Variants in PRRT4 observed in about 807,000 individuals in gnomAD.
The protein encoded by PRRT4 is proline rich transmembrane protein 4.
Under a neutral mutation model 55.6 loss-of-function variants are expected in PRRT4, and 59 were observed. The ratio of observed to expected loss-of-function variants is 1.06; its 90% CI spans 0.86 to 1.32. The LOEUF is 1.32. Ranked by LOEUF, PRRT4 falls within the 40% of genes most tolerant of loss-of-function variation. The probability of loss-of-function intolerance (pLI) is 0.00; values close to 1 mark genes in which losing one functional copy is unlikely to be tolerated. For synonymous variants in PRRT4, 606 were observed against 601.8 expected (o/e 1.01, Z -0.10); for missense variants, 1,217 against 1,222.0 (o/e 1.00, Z 0.06).
chr7:128,353,022 C>T (rs1029862589), intron 4 of PRRT4, among the ~76,000 whole-genome samples: 3 of 151,964 alleles, frequency 2.0e-5, no homozygotes, highest in Non-Finnish European at 4.4e-5. Flanking sequence ...CTTAGACACC[C>T]CCTCCAGTTC....
rs1333716121 is a variant in PRRT4, at chr7:128,361,099, TCTCTCACACACA to T, written c.-73+450_-73+461del. On this transcript the variant is annotated intron_variant, in intron 1 of 4. Coordinates refer to ENST00000535159, the Ensembl canonical transcript of PRRT4. ...CTGTCTCTCTCTCTCTCTCTCTCTCTCTCTCACACACACACACACACACACACACACACACAC... is the reference window on the plus strand; with the variant it reads ...CTGTCTCTCTCTCTCTCTCTCTCTCTCACACACACACACACACACACACAC... 2.4e-3 allele frequency among the ~76,000 whole-genome samples: 310 copies of T among 127,500 alleles called. 1 individual carries two copies. The highest frequency in any genetic ancestry group is 9.7e-3 in the African/African-American group (286 of 29,516). 83.6% of individuals were successfully genotyped at this position (127,500 alleles called of 152,430 possible). A position where few individuals can be genotyped will look rare whatever the true frequency, so the allele number is the denominator to read the frequency against.
chr7:128,352,234 A>T lies in PRRT4; in HGVS notation c.1322T>A (p.Leu441Gln), dbSNP rs756871380. The change falls in exon 5 of 5, where the codon CTG becomes CAG. Residue 441 changes from leucine to glutamine, a missense_variant. By Grantham distance (113) the Leu-to-Gln change is moderately radical. Coordinates refer to ENST00000535159, the Ensembl canonical transcript of PRRT4. ...CCCCAGGCCGGCAGCCAAGCAGGGC[A>T]GCGGAAGGTCCTGCAGCAGCAGCCA... 59 of 1,538,526 alleles carry T rather than the reference A, an allele frequency of 3.8e-5. No individual in the cohort carries two copies. In the Middle Eastern group the frequency reaches 2.0e-3, roughly 52 times the overall value.
chr7:128,354,571 AC>A (rs1797073808), intron 4 of PRRT4, among the ~76,000 whole-genome samples: 1 of 125,382 alleles, frequency 8.0e-6, no homozygotes, highest in Non-Finnish European at 1.6e-5. Flanking sequence ...CTCAAAAAAA[AC>A]ACACACACAC....
In PRRT4 at chr7:128,351,183, G is replaced by GA; in HGVS notation, c.2372_2373insT (p.Gly793TrpfsTer76). 6.5e-7 allele frequency: 1 copy of GA among 1,543,666 alleles called. No individual in the cohort carries two copies. Among genetic ancestry groups the GA allele is most frequent in the Non-Finnish European group, 8.7e-7 (1 of 1,146,532 alleles). ...TGCTGCCTGCGGGCCAAGCCCCAGGGGAGGGGAGCTCCGGGGGCGCAGCGG... is the reference window on the plus strand; with the variant it reads ...TGCTGCCTGCGGGCCAAGCCCCAGGGAGAGGGGAGCTCCGGGGGCGCAGCGG... On this transcript the variant is annotated frameshift_variant, in exon 5 of 5. Coordinates refer to ENST00000535159, the Ensembl canonical transcript of PRRT4. LOFTEE classifies it high-confidence loss of function.
intron 4 of PRRT4, among the ~76,000 whole-genome samples, chr7:128,353,977 G>C (rs769961452): frequency 5.9e-5 from 9 of 152,180 alleles, no homozygotes; most frequent in Non-Finnish European, 1.2e-4. Flanking sequence ...CCCAGGGCCA[G>C]GCAGCAAGGG....
chr7:128,356,269 AAAAAT>A (rs954549707), intron 4 of PRRT4, among the ~76,000 whole-genome samples: 14 of 152,262 alleles, frequency 9.2e-5, no homozygotes, highest in Admixed American at 3.9e-4. Flanking sequence ...TAAATAAATA[AAAAAT>A]AAAATAAAAT....
rs1767287779 is a variant in PRRT4 at position 128,358,674 on chromosome 7, T to C, written c.877+7A>G. 5 of 1,551,398 alleles carry C rather than the reference T, an allele frequency of 3.2e-6. No homozygotes were observed. The Admixed American group carries it at 5.9e-5, about 18-fold the overall frequency. On this transcript the variant is annotated splice_region_variant and intron_variant, in intron 4 of 4. Coordinates refer to ENST00000535159, the Ensembl canonical transcript of PRRT4. The surrounding 1 kb of genome is among the most constrained non-coding windows in gnomAD (Gnocchi z 4.4). ...AATTGTCAAGTTCAAATGAATTGGA[T>C]ACTTACCTAATGATGTTGTTGCAAT... is the stretch of plus-strand genomic sequence containing the variant.
chr7:128,351,212 C>A, exon 5 of PRRT4: 1 of 1,540,464 alleles, frequency 6.5e-7, no homozygotes, highest in Non-Finnish European at 8.7e-7. Context: ...GCAGCGGGGC[C>A]AGAGGCCTCC....
At chr7:128,352,479 C>A in exon 5 of PRRT4, 1 of 1,540,418 alleles carries the variant, frequency 6.5e-7, no homozygotes, top group Non-Finnish European at 8.7e-7. Context: ...AGGCCAGCCC[C>A]CAGCGAGCCC....
intron 4 of PRRT4, among the ~76,000 whole-genome samples, chr7:128,356,086 C>G (rs573787659): frequency 2.6e-5 from 4 of 151,852 alleles, no homozygotes; most frequent in Non-Finnish European, 5.9e-5. Flanking sequence ...TGGTGAAACC[C>G]GACTCTTACT....
chr7:128,358,668 A>C lies in PRRT4; in HGVS notation c.877+13T>G. 1 of 1,551,288 alleles carries C rather than the reference A, an allele frequency of 6.4e-7. No individual in the cohort carries two copies. Among genetic ancestry groups the C allele is most frequent in the South Asian group, 1.2e-5 (1 of 84,050 alleles). Reference sequence around the variant, plus strand: ...ATAAATAATTGTCAAGTTCAAATGAATTGGATACTTACCTAATGATGTTGT... The same window carrying C: ...ATAAATAATTGTCAAGTTCAAATGACTTGGATACTTACCTAATGATGTTGT... On this transcript the variant is annotated intron_variant, in intron 4 of 4. Transcript: ENST00000535159. The surrounding 1 kb of genome is among the most constrained non-coding windows in gnomAD (Gnocchi z 4.4).
In PRRT4 at chr7:128,352,354, AGCGCCAGGCAGGGG is replaced by A. The variant is rs1337509448; in HGVS notation, c.1188_1201del (p.Pro397AlafsTer177). 2 of 1,526,788 alleles carry A rather than the reference AGCGCCAGGCAGGGG, an allele frequency of 1.3e-6. No homozygotes were observed. Among genetic ancestry groups the A allele is most frequent in the South Asian group, 1.2e-5 (1 of 82,562 alleles). 94.6% of individuals were successfully genotyped at this position (1,526,788 alleles called of 1,614,324 possible). On this transcript the variant is annotated frameshift_variant, in exon 5 of 5. Coordinates refer to ENST00000535159, the Ensembl canonical transcript of PRRT4. LOFTEE classifies it high-confidence loss of function. ...GGCCGACAGCAGCAGCAGGTCCAGC[AGCGCCAGGCAGGGG>A]GCGCCGGGCGGGCACCGCCAGGGCA...
chr7:128,352,506 G>C (rs1225862988), exon 5 of PRRT4: 5 of 1,542,102 alleles, frequency 3.2e-6, no homozygotes, highest in Non-Finnish European at 4.4e-6. Context: ...CTGCCCAGTC[G>C]GCCTCCAGGG....
intron 1 of PRRT4, among the ~76,000 whole-genome samples, chr7:128,360,705 C>A (rs1210326676): frequency 6.6e-6 from 1 of 151,136 alleles, no homozygotes; most frequent in Non-Finnish European, 1.5e-5. Context: ...CTGTTCCCTT[C>A]CCTAGGACCC....
chr7:128,355,256 G>A (rs1166938657), intron 4 of PRRT4, among the ~76,000 whole-genome samples: 1 of 152,106 alleles, frequency 6.6e-6, no homozygotes, highest in Non-Finnish European at 1.5e-5. Context: ...GGAGTACAGT[G>A]GCATGATCTC....
At chr7:128,351,993 C>A in exon 5 of PRRT4, 2 of 1,309,078 alleles carry the variant, frequency 1.5e-6, no homozygotes, top group South Asian at 2.0e-5. Flanking sequence ...GCCGCCGCCG[C>A]CCGCCCCAGC....
At chr7:128,352,768 C>G in intron 4 of PRRT4, 90 bp from the exon 6 acceptor site, 1 of 1,251,762 alleles carries the variant, frequency 8.0e-7, no homozygotes, top group Admixed American at 2.7e-5. Flanking sequence ...AGTCAGAGTC[C>G]CCTACCGTAT....
chr7:128,360,253 C>T (rs1797216465), intron 1 of PRRT4, among the ~76,000 whole-genome samples, 190 bp from the exon 3 acceptor site: 1 of 152,200 alleles, frequency 6.6e-6, no homozygotes, highest in African/African-American at 2.4e-5. Context: ...CAGCACAAAT[C>T]CCTGCCTGGG....
Position 128,351,453 on chromosome 7 carries a change from CG to C in PRRT4, c.2102del (p.Ala701GlyfsTer190). 1 of 1,522,654 alleles carries C rather than the reference CG, an allele frequency of 6.6e-7. No homozygotes were observed. Among genetic ancestry groups the C allele is most frequent in the Non-Finnish European group, 8.8e-7 (1 of 1,133,996 alleles). 94.3% of individuals were successfully genotyped at this position (1,522,654 alleles called of 1,614,324 possible). A position where few individuals can be genotyped will look rare whatever the true frequency, so the allele number is the denominator to read the frequency against. ...AAGCCGGGGACGGGGCCGGGTTGGCCGCCGCGCCTTCGAAGCCCCGGCAACC... is the reference window on the plus strand; with the variant it reads ...AAGCCGGGGACGGGGCCGGGTTGGCCCCGCGCCTTCGAAGCCCCGGCAACC... On this transcript the variant is annotated frameshift_variant, in exon 5 of 5. Coordinates refer to ENST00000535159, the Ensembl canonical transcript of PRRT4. LOFTEE classifies it high-confidence loss of function.
Sources: gnomAD v4.1 joint callset for allele counts (sites outside exome capture counted in the v4.1 genomes callset) on GRCh38, gnomAD v4.1.1 for gene constraint, Gnocchi (gnomAD v3.1) non-coding constraint, MANE v1.5 for transcripts, NCBI Gene and HGNC (gene_info 2026-07-23, HGNC 2026-07-21) for gene names.